The following CD226 variants were observed in gnomAD, a reference collection of about 807,000 sequenced individuals.
The protein encoded by CD226 is CD226 molecule, also known as CD226 antigen.
In CD226, 24 loss-of-function variants were observed where a neutral mutation model predicts 34.9. The observed-to-expected ratio is 0.69, with a 90% CI of 0.50 to 0.97. The LOEUF is 0.97. CD226 is among the 50% of genes least tolerant of loss of function. The pLI is 0.00. For synonymous variants in CD226, 148 were observed against 147.4 expected (o/e 1.00, Z -0.03); for missense variants, 397 against 412.7 (o/e 0.96, Z 0.33).
chr18:69,874,084 G>A (rs898093367), intron 3 of CD226, among the ~76,000 whole-genome samples: 1 of 152,060 alleles, frequency 6.6e-6, no homozygotes, highest in Admixed American at 6.6e-5. Context: ...CCAGTAATCT[G>A]AAATTCTCAT....
At chr18:69,899,724 T>C (rs112770489) in intron 2 of CD226, among the ~76,000 whole-genome samples, 2 of 141,744 alleles carry the variant, frequency 1.4e-5, no homozygotes, top group Non-Finnish European at 3.3e-5. Flanking sequence ...AAAATGACAA[T>C]GAGACACCAT....
At chr18:69,874,178 T>C (rs1983722440) in intron 3 of CD226, among the ~76,000 whole-genome samples, 1 of 152,224 alleles carries the variant, frequency 6.6e-6, no homozygotes, top group Non-Finnish European at 1.5e-5. Flanking sequence ...CTGATGGCAA[T>C]GGCAGCAGCC....
intron 3 of CD226, among the ~76,000 whole-genome samples, chr18:69,890,831 G>A (rs1451624582): frequency 6.6e-6 from 1 of 152,084 alleles, no homozygotes; most frequent in Non-Finnish European, 1.5e-5. Context: ...CCCAGGACCA[G>A]GTGGCTTCAC....
At chr18:69,955,909 G>A (rs1370780286) in intron 1 of CD226, among the ~76,000 whole-genome samples, 1 of 150,986 alleles carries the variant, frequency 6.6e-6, no homozygotes, top group African/African-American at 2.4e-5. Context: ...CAATAGTCTG[G>A]GTTTCTGCTC....
intron 1 of CD226, 133 bp from the exon 2 acceptor site, chr18:69,947,202 C>T (rs890466007): frequency 1.8e-5 from 17 of 921,686 alleles, no homozygotes; most frequent in Non-Finnish European, 2.5e-5. Flanking sequence ...TCTAAAAAGG[C>T]GTCCTGCTGA....
At chr18:69,864,586 T>C (rs1030116018) in intron 5 of CD226, 147 bp from the exon 6 acceptor site, 28 of 768,120 alleles carry the variant, frequency 3.6e-5, no homozygotes, top group Non-Finnish European at 5.4e-5. Context: ...CTCATTGTAT[T>C]GAACTTCTGT....
intron 3 of CD226, among the ~76,000 whole-genome samples, chr18:69,880,629 C>T (rs761967339): frequency 1.4e-5 from 2 of 148,114 alleles, no homozygotes; most frequent in South Asian, 2.1e-4. Context: ...TTCAGATACA[C>T]GAGGGGAATA....
intron 2 of CD226, among the ~76,000 whole-genome samples, chr18:69,911,852 ATG>A (rs1039745208): frequency 2.0e-5 from 3 of 152,102 alleles, no homozygotes; most frequent in African/African-American, 4.8e-5. Context: ...GTGTGTGCAT[ATG>A]TGTGTGTGTA....
intron 3 of CD226, among the ~76,000 whole-genome samples, chr18:69,880,330 G>GAGAA (rs74175399): frequency 5.4e-4 from 73 of 134,964 alleles, no homozygotes; most frequent in African/African-American, 2.0e-3. Flanking sequence ...AAAAGAAAGA[G>GAGAA]AGAAAGAAAG....
intron 3 of CD226, among the ~76,000 whole-genome samples, chr18:69,879,693 G>A (rs1042008686): frequency 4.6e-5 from 7 of 152,210 alleles, no homozygotes; most frequent in Non-Finnish European, 5.9e-5. Context: ...AAGATGACGG[G>A]ATTAAGAGAT....
intron 4 of CD226, among the ~76,000 whole-genome samples, chr18:69,872,388 T>C (rs183728940): frequency 6.6e-6 from 1 of 151,624 alleles, no homozygotes; most frequent in East Asian, 1.9e-4. Context: ...AATTCCCAAC[T>C]GTGCTACAAT....
chr18:69,904,544 A>G (rs1478114178), intron 2 of CD226, among the ~76,000 whole-genome samples: 1 of 152,190 alleles, frequency 6.6e-6, no homozygotes, highest in Non-Finnish European at 1.5e-5. Context: ...TTCAGGTTCT[A>G]ATTGTTAAAA....
At chr18:69,900,718 GAC>G (rs2055170571) in intron 2 of CD226, among the ~76,000 whole-genome samples, 1 of 133,024 alleles carries the variant, frequency 7.5e-6, no homozygotes, top group Non-Finnish European at 1.5e-5. Context: ...CGGCCTGGGC[GAC>G]AGAGCGAGAC....
At chr18:69,931,491 A>T (rs1265587285) in intron 2 of CD226, among the ~76,000 whole-genome samples, 1 of 152,218 alleles carries the variant, frequency 6.6e-6, no homozygotes, top group Non-Finnish European at 1.5e-5. Context: ...ATATTACAGC[A>T]TCAGGCATAG....
intron 3 of CD226, among the ~76,000 whole-genome samples, chr18:69,884,211 T>C (rs570180900): frequency 4.6e-5 from 7 of 151,980 alleles, no homozygotes; most frequent in African/African-American, 1.7e-4. Flanking sequence ...AACAAAACAA[T>C]ACAAATGACC....
chr18:69,911,497 C>A (rs1032410056), intron 2 of CD226, among the ~76,000 whole-genome samples: 1 of 152,130 alleles, frequency 6.6e-6, no homozygotes, highest in African/African-American at 2.4e-5. Context: ...ATATGAAGAG[C>A]GACCTTAAAG....
chr18:69,929,794 T>C (rs2055567079), intron 2 of CD226, among the ~76,000 whole-genome samples: 1 of 152,216 alleles, frequency 6.6e-6, no homozygotes, highest in African/African-American at 2.4e-5. Context: ...CTACTCAGGA[T>C]CCCAAGTAAA....
intron 2 of CD226, among the ~76,000 whole-genome samples, chr18:69,898,420 G>T (rs895389063): frequency 6.6e-6 from 1 of 152,120 alleles, no homozygotes; most frequent in East Asian, 1.9e-4. Context: ...TGAACCTGCC[G>T]ACTCAGGTAG....
chr18:69,869,572 G>A (rs1277256415), intron 4 of CD226, among the ~76,000 whole-genome samples: 2 of 152,100 alleles, frequency 1.3e-5, no homozygotes, highest in East Asian at 3.9e-4. Flanking sequence ...TAATACCTGG[G>A]TGATGCAATA....
Sources: gnomAD v4.1 joint callset for allele counts (sites outside exome capture counted in the v4.1 genomes callset) on GRCh38, gnomAD v4.1.1 for gene constraint, MANE v1.5 for transcripts, NCBI Gene and HGNC (gene_info 2026-07-23, HGNC 2026-07-21) for gene names.